The following FEZ1 variants were observed in gnomAD, a reference collection of about 807,000 sequenced individuals.
FEZ1 encodes the protein fasciculation and elongation protein zeta-1.
A neutral mutation model predicts 49.3 loss-of-function variants in FEZ1; 20 were observed. The observed-to-expected ratio is 0.41, with a 90% CI of 0.29 to 0.59. FEZ1 has a LOEUF of 0.59. FEZ1 is among the 20% of genes least tolerant of loss of function. The pLI is 0.36. For missense variants in FEZ1, 413 were observed against 476.0 expected (o/e 0.87, Z 1.23); for synonymous variants, 170 against 180.9 (o/e 0.94, Z 0.48).
chr11:125,465,765 C>A (rs1259241596), intron 3 of FEZ1, among the ~76,000 whole-genome samples: 5 of 152,194 alleles, frequency 3.3e-5, no homozygotes, highest in African/African-American at 1.2e-4. Context: ...CCAGCCTCTT[C>A]ACCTCCCTCT....
chr11:125,477,823 C>T (rs1379465734), intron 3 of FEZ1, among the ~76,000 whole-genome samples: 5 of 150,374 alleles, frequency 3.3e-5, no homozygotes, highest in Admixed American at 6.6e-5. Flanking sequence ...CATGTGGCCC[C>T]GCATGGCCCC....
chr11:125,472,493 T>C (rs1023075976), intron 3 of FEZ1, among the ~76,000 whole-genome samples: 2 of 152,112 alleles, frequency 1.3e-5, no homozygotes, highest in Non-Finnish European at 2.9e-5. Flanking sequence ...GAATGTTCAA[T>C]ACATTCAATG....
At position 125,470,899 on chromosome 11, in the gene FEZ1, T is replaced by C. The variant is rs182460028; in HGVS notation, c.412-7329A>G. ...TAAAGCAAAAATAATAACTTTGTGT[T>C]GTGGAGTATATAATGTAGATTGAAA... is the stretch of plus-strand genomic sequence containing the variant. On this transcript the variant is annotated intron_variant, in intron 3 of 9. Transcript: ENST00000278919. 1.7e-3 allele frequency among the ~76,000 whole-genome samples: 264 copies of C among 152,330 alleles called. 1 individual carries two copies. The highest frequency in any genetic ancestry group is 6.1e-3 in the African/African-American group (252 of 41,584).
chr11:125,473,274 T>A (rs1957199245), intron 3 of FEZ1, among the ~76,000 whole-genome samples: 1 of 152,200 alleles, frequency 6.6e-6, no homozygotes, highest in African/African-American at 2.4e-5. Context: ...TCAACAAAGA[T>A]GCCAAAACAA....
In FEZ1 at chr11:125,489,977, T is replaced by C. The variant is rs1591603947; in HGVS notation, c.-45-155A>G. Among the ~76,000 whole-genome samples the C allele has an allele frequency of 6.6e-6, 1 of 152,298 alleles. No homozygotes were observed. Among genetic ancestry groups the C allele is most frequent in the South Asian group, 2.1e-4 (1 of 4,822 alleles). On this transcript the variant is annotated intron_variant, in intron 1 of 9. Coordinates refer to ENST00000278919, the MANE Select transcript of FEZ1 (RefSeq NM_005103.5). This position sits in a 1 kb window ranked among gnomAD's most constrained non-coding sequence, Gnocchi z 4.2. ...TGGACAAGATCGTCTAGGTTTGCATTCTGTTCTGTCCTACCAGCTGTGACC... is the reference window on the plus strand; with the variant it reads ...TGGACAAGATCGTCTAGGTTTGCATCCTGTTCTGTCCTACCAGCTGTGACC...
intron 5 of FEZ1, 73 bp from the exon 6 acceptor site, chr11:125,456,179 A>G (rs1311670232): frequency 1.4e-6 from 2 of 1,407,468 alleles, no homozygotes; most frequent in Non-Finnish European, 1.9e-6. Flanking sequence ...TCCTGGGGCC[A>G]CCACCAATCA....
chr11:125,459,823 G>A (rs999614071), intron 5 of FEZ1, among the ~76,000 whole-genome samples: 26 of 151,634 alleles, frequency 1.7e-4, no homozygotes, highest in African/African-American at 4.6e-4. Flanking sequence ...AAGGCCAGGC[G>A]CAGTGGCTCA....
chr11:125,444,394 T>C lies in FEZ1; in HGVS notation c.*1701A>G, dbSNP rs1034899812. ...TGAGGTCGGGAGTTCGAGACCAACC[T>C]GACCAACATGTAGAAACCTGGTCTC... On this transcript the variant is annotated 3_prime_UTR_variant, in exon 10 of 10. Transcript: ENST00000278919. Among the ~76,000 whole-genome samples the C allele has an allele frequency of 2.0e-5, 3 of 152,170 alleles. No homozygotes were observed. Among genetic ancestry groups the C allele is most frequent in the African/African-American group, 7.2e-5 (3 of 41,434 alleles).
intron 3 of FEZ1, among the ~76,000 whole-genome samples, chr11:125,480,334 C>T (rs1230078390): frequency 2.0e-5 from 3 of 151,948 alleles, no homozygotes; most frequent in East Asian, 1.9e-4. Flanking sequence ...TGTAGTGAGC[C>T]GAGACTGTGC....
Position 125,483,611 on chromosome 11 carries a change from G to A in FEZ1, c.312-1978C>T, listed in dbSNP as rs145078361. On this transcript the variant is annotated intron_variant, in intron 2 of 9. Coordinates refer to ENST00000278919, the MANE Select transcript of FEZ1 (RefSeq NM_005103.5). The stretch of plus-strand genomic sequence containing the variant: ...GACAAAACTCCAAGGCACCACACCC[G>A]CTGGAAAGGTCACTGCAGGACTACT... Among the ~76,000 whole-genome samples the A allele has an allele frequency of 3.3e-3, 506 of 152,260 alleles. 1 individual carries two copies. Among genetic ancestry groups the A allele is most frequent in the African/African-American group, 0.012 (480 of 41,560 alleles).
chr11:125,495,592 G>A lies in FEZ1; in HGVS notation c.-46+529C>T, dbSNP rs1315213866. 1 of 469,346 alleles carries A rather than the reference G, an allele frequency of 2.1e-6. No individual in the cohort carries two copies. The highest frequency in any genetic ancestry group is 2.0e-5 in the African/African-American group (1 of 50,046). The allele number at this position is 469,346 out of a possible 1,614,324, so 29.1% of individuals were successfully genotyped here. A position where few individuals can be genotyped will look rare whatever the true frequency, so the allele number is the denominator to read the frequency against. ...GTCTGGGGAAGGCTCCGCACTCTGG[G>A]GAGGGGCACGAGCGGGGTCGGGGGT... On this transcript the variant is annotated intron_variant, in intron 1 of 9. Coordinates refer to ENST00000278919, the MANE Select transcript of FEZ1 (RefSeq NM_005103.5). The surrounding 1 kb of genome is among the most constrained non-coding windows in gnomAD (Gnocchi z 4.2).
rs770808394 is a variant in FEZ1 at position 125,444,773 on chromosome 11, C to T, written c.*1322G>A. On this transcript the variant is annotated 3_prime_UTR_variant, in exon 10 of 10. Transcript: ENST00000278919. ...AATGGAAGTCTCACTGGATAAGAAACCTAAATGCCAGCCTGACTCTACCAC... is the reference window on the plus strand; with the variant it reads ...AATGGAAGTCTCACTGGATAAGAAATCTAAATGCCAGCCTGACTCTACCAC... 6.6e-6 allele frequency among the ~76,000 whole-genome samples: 1 copy of T among 152,152 alleles called. No homozygotes were observed. Among genetic ancestry groups the T allele is most frequent in the Non-Finnish European group, 1.5e-5 (1 of 68,038 alleles).
At chr11:125,491,132 C>T (rs1444806498) in intron 1 of FEZ1, among the ~76,000 whole-genome samples, 1 of 152,154 alleles carries the variant, frequency 6.6e-6, no homozygotes, top group Non-Finnish European at 1.5e-5. Context: ...TATCCTGTAT[C>T]CTGTAAGAAA....
intron 1 of FEZ1, among the ~76,000 whole-genome samples, chr11:125,492,831 G>T (rs2702010): frequency 0.48 from 72,840 of 151,714 alleles, 18,460 homozygotes; most frequent in Admixed American, 0.62. Context: ...AGCTGGGCAC[G>T]GTGGCTCACA....
At position 125,483,359 on chromosome 11, in the gene FEZ1, G is replaced by C. The variant is rs376959317; in HGVS notation, c.312-1726C>G. On this transcript the variant is annotated intron_variant, in intron 2 of 9. Transcript: ENST00000278919. ...TGTAATGGCAGTGCTTGGGGCATCT[G>C]CTTATTCATTATTTTCCTACCATTA... Among the ~76,000 whole-genome samples the C allele has an allele frequency of 7.9e-5, 12 of 152,170 alleles. 1 individual carries two copies. Among genetic ancestry groups the C allele is most frequent in the African/African-American group, 2.9e-4 (12 of 41,454 alleles).
At chr11:125,486,716 A>G (rs113491808) in intron 2 of FEZ1, among the ~76,000 whole-genome samples, 31 of 152,344 alleles carry the variant, frequency 2.0e-4, no homozygotes, top group African/African-American at 7.5e-4. Context: ...TTTGTGGATG[A>G]AACAGCCCTC....
At position 125,452,395 on chromosome 11, in the gene FEZ1, G is replaced by A; in HGVS notation, c.1035C>T (p.Val345=). The change falls in exon 8 of 10, where the codon GTC becomes GTT. Residue 345 remains valine (V), a synonymous_variant. Transcript: ENST00000278919. ...SGTDKQYLNT[V]IPYEKKASPP... ...GAGAGGCTTTCTTCTCGTAAGGAAT[G>A]ACTGTGTTCAGATACTGCAAGACAA... The A allele has an allele frequency of 6.2e-7, 1 of 1,612,088 alleles. No homozygotes were observed. The highest frequency in any genetic ancestry group is 1.3e-5 in the African/African-American group (1 of 75,014).
Position 125,489,304 on chromosome 11 carries a change from T to C in FEZ1, c.311+163A>G, listed in dbSNP as rs1022064177. 6.6e-6 allele frequency: 9 copies of C among 1,372,742 alleles called. No homozygotes were observed. In the African/African-American group the frequency reaches 8.8e-5, roughly 13 times the overall value. 85.0% of individuals were successfully genotyped at this position (1,372,742 alleles called of 1,614,324 possible). On this transcript the variant is annotated intron_variant, in intron 2 of 9. Coordinates refer to ENST00000278919, the MANE Select transcript of FEZ1 (RefSeq NM_005103.5). The surrounding 1 kb of genome is among the most constrained non-coding windows in gnomAD (Gnocchi z 4.2). ...CTCCTCAGGGGACTGTAAAGGGACA[T>C]ATATAGAGCTATGACAGCAAGTACC...
chr11:125,460,448 C>T, intron 5 of FEZ1, 50 bp downstream of exon 5: 2 of 1,556,728 alleles, frequency 1.3e-6, no homozygotes, highest in Non-Finnish European at 1.8e-6. Flanking sequence ...CAGAGCCTGG[C>T]CCCGAGCAGG....
Sources: allele counts gnomAD v4.1 joint callset (sites outside exome capture counted in the v4.1 genomes callset), GRCh38; gene constraint gnomAD v4.1.1; non-coding constraint Gnocchi (gnomAD v3.1); transcripts MANE v1.5; gene names NCBI Gene and HGNC (gene_info 2026-07-23, HGNC 2026-07-21).